GRAMD1B: variants seen among roughly 807,000 people sequenced by gnomAD.
The protein encoded by GRAMD1B is GRAM domain containing 1B, also known as protein Aster-B.
Under a neutral mutation model 99.7 loss-of-function variants are expected in GRAMD1B, and 37 were observed. The observed-to-expected ratio is 0.37, with a 90% CI of 0.29 to 0.49. The LOEUF (loss-of-function observed/expected upper bound fraction) is 0.49, where lower values mean the gene tolerates loss of function less well. Ranked by LOEUF, GRAMD1B falls within the 20% of genes least tolerant of loss-of-function variation. GRAMD1B has a pLI of 0.98. For synonymous variants in GRAMD1B, 427 were observed against 387.6 expected (o/e 1.10, Z -1.19); for missense variants, 888 against 1,009.2 (o/e 0.88, Z 1.63).
At chr11:123,398,900 C>T (rs185901537) in intron 1 of GRAMD1B, among the ~76,000 whole-genome samples, 2 of 152,248 alleles carry the variant, frequency 1.3e-5, no homozygotes, top group East Asian at 3.9e-4. Flanking sequence ...AAAATTTCCT[C>T]CCACCCACTT....
chr11:123,505,582 G>A (rs11822401), intron 2 of GRAMD1B, among the ~76,000 whole-genome samples: 4,123 of 152,234 alleles, frequency 0.027, 157 homozygotes, highest in African/African-American at 0.084. Flanking sequence ...CTTTGTAACA[G>A]CCTATGACTT....
At chr11:123,520,827 TA>T (rs1015136870) in intron 2 of GRAMD1B, among the ~76,000 whole-genome samples, 14 of 149,960 alleles carry the variant, frequency 9.3e-5, no homozygotes, top group Non-Finnish European at 1.8e-4. Context: ...ATAATATTTA[TA>T]AAATATATAA....
At chr11:123,532,830 C>T (rs1036553732) in intron 2 of GRAMD1B, among the ~76,000 whole-genome samples, 3 of 152,180 alleles carry the variant, frequency 2.0e-5, no homozygotes, top group African/African-American at 4.8e-5. Context: ...CCAATGATCA[C>T]GTTCATGCTA....
rs545930991 is a variant in GRAMD1B, at chr11:123,390,009, G to T, written c.-176+31210G>T. ...TGGCCCCAAGTGATCTGCCTGCCTC[G>T]GCCTCCCAAAGTGCTGGGATTACAG... is the stretch of plus-strand genomic sequence containing the variant. On this transcript the variant is annotated intron_variant, in intron 1 of 20. Transcript: ENST00000638157. Among the ~76,000 whole-genome samples, 12 of 151,880 alleles carry T rather than the reference G, an allele frequency of 7.9e-5. No individual in the cohort carries two copies. In the East Asian group the frequency reaches 2.3e-3, roughly 29 times the overall value.
chr11:123,485,494 T>C (rs1044840412), intron 2 of GRAMD1B, among the ~76,000 whole-genome samples: 2 of 152,186 alleles, frequency 1.3e-5, no homozygotes, highest in Admixed American at 6.5e-5. Flanking sequence ...GGAAAGACTT[T>C]GGAACCTTGA....
chr11:123,618,251 C>T, intron 17 of GRAMD1B: 2 of 1,018,998 alleles, frequency 2.0e-6, no homozygotes, highest in South Asian at 1.3e-5. Context: ...CTCACTCACT[C>T]CCAGGTTGAT....
At chr11:123,384,110 TC>T (rs1946979622) in intron 1 of GRAMD1B, among the ~76,000 whole-genome samples, 1 of 152,124 alleles carries the variant, frequency 6.6e-6, no homozygotes, top group African/African-American at 2.4e-5. Context: ...CCTCAAGTGA[TC>T]CACCTGCCTT....
At position 123,432,546 on chromosome 11, in the gene GRAMD1B, ACT is replaced by A. The variant is rs1948947041; in HGVS notation, c.374+1383_374+1384del. Among the ~76,000 whole-genome samples, 3 of 124,048 alleles carry A rather than the reference ACT, an allele frequency of 2.4e-5. No homozygotes were observed. The Admixed American group carries it at 2.7e-4, about 11-fold the overall frequency. 81.4% of individuals were successfully genotyped at this position (124,048 alleles called of 152,430 possible). On this transcript the variant is annotated intron_variant, in intron 1 of 19. Transcript: ENST00000635736. Reference sequence around the variant, plus strand: ...ACTCCAGCCTGGGCCACAGAGTGAGACTCTGTCTCAAAAAAAAAAAAAAAAAT... The same window carrying A: ...ACTCCAGCCTGGGCCACAGAGTGAGACTGTCTCAAAAAAAAAAAAAAAAAT...
chr11:123,579,187 G>A (rs532015710), intron 3 of GRAMD1B, among the ~76,000 whole-genome samples: 57 of 152,362 alleles, frequency 3.7e-4, no homozygotes, highest in African/African-American at 9.1e-4. Context: ...GAGGCCACAG[G>A]AGAACGTGCA....
chr11:123,542,617 G>A (rs1274906568), intron 2 of GRAMD1B, among the ~76,000 whole-genome samples: 1 of 152,200 alleles, frequency 6.6e-6, no homozygotes, highest in African/African-American at 2.4e-5. Flanking sequence ...GTCATTCTAT[G>A]CGGAGAGAAT....
chr11:123,620,037 A>T (rs1267978272), intron 19 of GRAMD1B, among the ~76,000 whole-genome samples: 2 of 152,224 alleles, frequency 1.3e-5, no homozygotes, highest in Admixed American at 1.3e-4. Flanking sequence ...TGAGCAAGGG[A>T]CCTTGAGCTT....
At chr11:123,484,677 C>T (rs1469753435) in intron 2 of GRAMD1B, among the ~76,000 whole-genome samples, 2 of 152,096 alleles carry the variant, frequency 1.3e-5, no homozygotes. Flanking sequence ...CCCCCTCCAA[C>T]CCCCAAAACC....
chr11:123,453,710 A>C (rs1470943170), intron 1 of GRAMD1B, among the ~76,000 whole-genome samples: 2 of 152,182 alleles, frequency 1.3e-5, no homozygotes, highest in Non-Finnish European at 2.9e-5. Flanking sequence ...TCAGAAAGAA[A>C]TTTTAATTTG....
intron 1 of GRAMD1B, 164 bp from the exon 2 acceptor site, chr11:123,480,652 C>T (rs1441394458): frequency 7.7e-6 from 3 of 389,108 alleles, no homozygotes; most frequent in East Asian, 7.3e-5. Flanking sequence ...TGTCATTTCT[C>T]ATATGGTCTA....
intron 2 of GRAMD1B, among the ~76,000 whole-genome samples, chr11:123,553,334 G>T (rs921221441): frequency 6.7e-6 from 1 of 148,650 alleles, no homozygotes. Context: ...GGTGAAATGG[G>T]GTTTACCCCT....
At chr11:123,452,724 A>G (rs1949943820) in intron 1 of GRAMD1B, among the ~76,000 whole-genome samples, 1 of 152,168 alleles carries the variant, frequency 6.6e-6, no homozygotes, top group East Asian at 1.9e-4. Flanking sequence ...TACTCTCAAT[A>G]TTAGGTCTAC....
rs1419403438 is a variant in GRAMD1B at position 123,598,611 on chromosome 11, C to T, written c.970-1857C>T. The T allele has an allele frequency of 4.7e-6, 7 of 1,481,414 alleles. No individual in the cohort carries two copies. In the East Asian group the frequency reaches 6.8e-5, roughly 14 times the overall value. The allele number at this position is 1,481,414 out of a possible 1,614,324, so 91.8% of individuals were successfully genotyped here. A position where few individuals can be genotyped will look rare whatever the true frequency, so the allele number is the denominator to read the frequency against. ...TTTGGTGCTGAATAGTCTCTGGGCTCGCTCTTCTGGGATCCTGCCACATTT... is the reference window on the plus strand; with the variant it reads ...TTTGGTGCTGAATAGTCTCTGGGCTTGCTCTTCTGGGATCCTGCCACATTT... On this transcript the variant is annotated intron_variant, in intron 7 of 19. Coordinates refer to ENST00000635736, the MANE Select transcript of GRAMD1B (RefSeq NM_001387025.1).
intron 1 of GRAMD1B, among the ~76,000 whole-genome samples, chr11:123,456,900 AC>A (rs1392876766): frequency 2.8e-5 from 4 of 144,824 alleles, no homozygotes; most frequent in Admixed American, 2.1e-4. Context: ...AGCCTGGGCG[AC>A]AGAGGGAGAC....
intron 2 of GRAMD1B, among the ~76,000 whole-genome samples, chr11:123,561,531 C>T (rs79826545): frequency 6.6e-6 from 1 of 152,242 alleles, no homozygotes; most frequent in East Asian, 1.9e-4. Context: ...GGGCCTTACT[C>T]CCCCACACCT....
Sources: allele counts gnomAD v4.1 joint callset (sites outside exome capture counted in the v4.1 genomes callset), GRCh38; gene constraint gnomAD v4.1.1; transcripts MANE v1.5; gene names NCBI Gene and HGNC (gene_info 2026-07-23, HGNC 2026-07-21).